Variants in CLECL1 observed in about 807,000 individuals in gnomAD.
CLECL1 encodes C-type lectin like 1.
downstream of CLECL1, among the ~76,000 whole-genome samples, chr12:9,712,938 G>A (rs1591713664): frequency 6.6e-6 from 1 of 152,280 alleles, no homozygotes; most frequent in East Asian, 1.9e-4. Flanking sequence ...TATTGTAGCA[G>A]GATGAGCCGC....
At chr12:9,724,298 G>C (rs1445674070) in intron 3 of CLECL1, among the ~76,000 whole-genome samples, 1 of 151,996 alleles carries the variant, frequency 6.6e-6, no homozygotes, top group Non-Finnish European at 1.5e-5. Context: ...CTTTCACAAT[G>C]TATAGTATAT....
intron 1 of CLECL1, among the ~76,000 whole-genome samples, chr12:9,730,022 T>C (rs1866427716): frequency 6.6e-6 from 1 of 152,212 alleles, no homozygotes. Context: ...TTTGAGCTGA[T>C]CTTTTCTGTT....
the CLECL1 span, among the ~76,000 whole-genome samples, chr12:9,708,107 A>C: frequency 6.6e-6 from 1 of 152,126 alleles, no homozygotes; most frequent in African/African-American, 2.4e-5. Context: ...TGGGGCAGTA[A>C]CCAGGACTGT....
At chr12:9,718,360 A>AT (rs76736771), downstream of CLECL1, among the ~76,000 whole-genome samples, 242 of 147,622 alleles carry the variant, frequency 1.6e-3, no homozygotes, top group Middle Eastern at 3.4e-3. Context: ...TTTCCTTACT[A>AT]TTTTTTTTTT....
downstream of CLECL1, among the ~76,000 whole-genome samples, chr12:9,721,233 T>G (rs543640259): frequency 1.4e-4 from 22 of 152,340 alleles, no homozygotes; most frequent in Middle Eastern, 3.4e-3. Context: ...TTTTTTCCAT[T>G]TTAACTTTAA....
downstream of CLECL1, among the ~76,000 whole-genome samples, chr12:9,715,250 G>A (rs751379879): frequency 5.0e-4 from 76 of 152,220 alleles, no homozygotes; most frequent in Admixed American, 2.2e-3. Context: ...CTAGAGAACC[G>A]CATCTTAACC....
At chr12:9,732,221 C>A (rs1866456133) in intron 1 of CLECL1, among the ~76,000 whole-genome samples, 1 of 152,116 alleles carries the variant, frequency 6.6e-6, no homozygotes, top group Non-Finnish European at 1.5e-5. Context: ...AAAGGAGGAA[C>A]TTTAAATTAT....
downstream of CLECL1, among the ~76,000 whole-genome samples, chr12:9,718,998 T>G (rs1288692242): frequency 2.6e-5 from 4 of 152,230 alleles, no homozygotes; most frequent in African/African-American, 9.6e-5. Context: ...GTGTGTCTTT[T>G]CATATACCTC....
chr12:9,718,626 A>T, downstream of CLECL1: 1 of 644,086 alleles, frequency 1.6e-6, no homozygotes, highest in East Asian at 2.8e-5. Context: ...ACCTTTAAAG[A>T]TGTAATTAAC....
chr12:9,707,477 G>C, the CLECL1 span, among the ~76,000 whole-genome samples: 6 of 152,042 alleles, frequency 3.9e-5, no homozygotes, highest in East Asian at 1.2e-3. Flanking sequence ...GATATGCAGT[G>C]GGGGAAGGGA....
chr12:9,717,255 A>G (rs1866249253), intron 2 of CLECL1, among the ~76,000 whole-genome samples: 2 of 152,170 alleles, frequency 1.3e-5, no homozygotes, highest in Non-Finnish European at 2.9e-5. Context: ...CTAAAAATAC[A>G]AAAACTTAGC....
At chr12:9,713,784 G>C (rs1379515898), downstream of CLECL1, among the ~76,000 whole-genome samples, 1 of 152,184 alleles carries the variant, frequency 6.6e-6, no homozygotes, top group Non-Finnish European at 1.5e-5. Context: ...TCAGACAAGG[G>C]AGCAGTAAGC....
intron 3 of CLECL1, among the ~76,000 whole-genome samples, chr12:9,725,764 T>C (rs1415112846): frequency 6.6e-6 from 1 of 152,100 alleles, no homozygotes; most frequent in Non-Finnish European, 1.5e-5. Flanking sequence ...AGGTTAAACA[T>C]ATTGCTTTCT....
downstream of CLECL1, chr12:9,718,650 A>AT (rs750057069): frequency 1.5e-6 from 1 of 680,276 alleles, no homozygotes; most frequent in South Asian, 1.6e-5. Flanking sequence ...CAGTGAGGCC[A>AT]TTGCGGTGGG....
upstream of CLECL1, chr12:9,733,150 A>T: frequency 6.2e-7 from 1 of 1,614,098 alleles, no homozygotes; most frequent in Non-Finnish European, 8.5e-7. Context: ...CTGCTCCCCA[A>T]GTGGGTGGTG....
intron 3 of CLECL1, among the ~76,000 whole-genome samples, chr12:9,723,763 T>C (rs1007466113): frequency 1.3e-5 from 2 of 152,124 alleles, no homozygotes; most frequent in Non-Finnish European, 2.9e-5. Flanking sequence ...ACAATTTTTT[T>C]CCCCAAATCT....
chr12:9,705,347 T>C, the CLECL1 span, among the ~76,000 whole-genome samples: 95 of 152,294 alleles, frequency 6.2e-4, no homozygotes, highest in Non-Finnish European at 9.9e-4. Flanking sequence ...TTTATCCCAT[T>C]CTGTAGGTTG....
chr12:9,714,491 C>T (rs1277919588), downstream of CLECL1, among the ~76,000 whole-genome samples: 2 of 152,172 alleles, frequency 1.3e-5, no homozygotes, highest in African/African-American at 2.4e-5. Flanking sequence ...GCCTAAACAG[C>T]CTGCAGCTTT....
chr12:9,721,361 A>C (rs747810626), downstream of CLECL1, among the ~76,000 whole-genome samples: 1 of 152,304 alleles, frequency 6.6e-6, no homozygotes, highest in East Asian at 1.9e-4. Flanking sequence ...GATGTTTAGA[A>C]AGGGACATGC....
Sources: allele counts gnomAD v4.1 joint callset (sites outside exome capture counted in the v4.1 genomes callset), GRCh38; gene constraint gnomAD v4.1.1; transcripts MANE v1.5; gene names NCBI Gene and HGNC (gene_info 2026-07-23, HGNC 2026-07-21).